RLF: variants seen among roughly 807,000 people sequenced by gnomAD.
RLF encodes zinc finger protein Rlf.
RLF carries 7 observed loss-of-function variants against 162.9 expected under a neutral mutation model. That is an observed-to-expected ratio of 0.04 (90% CI 0.02 to 0.08). The LOEUF (loss-of-function observed/expected upper bound fraction) is 0.08. Ranked by LOEUF, RLF falls within the 10% of genes least tolerant of loss-of-function variation. RLF has a pLI of 1.00. For missense variants in RLF, 1,664 were observed against 2,244.7 expected (o/e 0.74, Z 5.23); for synonymous variants, 782 against 791.5 (o/e 0.99, Z 0.20).
chr1:40,175,322 A>G (rs1642307079), intron 1 of RLF, among the ~76,000 whole-genome samples: 1 of 152,122 alleles, frequency 6.6e-6, no homozygotes, highest in Non-Finnish European at 1.5e-5. Flanking sequence ...TGGAGAACAT[A>G]TATGTATATT....
intron 4 of RLF, among the ~76,000 whole-genome samples, chr1:40,201,172 G>A (rs1426874837): frequency 1.4e-5 from 2 of 146,280 alleles, no homozygotes; most frequent in African/African-American, 5.1e-5. Flanking sequence ...CTCCCTAGGT[G>A]ATCTAGGCAC....
intron 4 of RLF, among the ~76,000 whole-genome samples, chr1:40,196,956 T>C (rs1271419111): frequency 6.6e-6 from 1 of 152,232 alleles, no homozygotes; most frequent in Non-Finnish European, 1.5e-5. Context: ...GTTCAAAGGA[T>C]TACACTCTGT....
chr1:40,210,081 G>A (rs1642847502), intron 5 of RLF, among the ~76,000 whole-genome samples: 1 of 152,128 alleles, frequency 6.6e-6, no homozygotes, highest in African/African-American at 2.4e-5. Flanking sequence ...CAATTCAAAA[G>A]CAGCAGCAAA....
In RLF at chr1:40,200,866, CTACACA is replaced by C. The variant is rs1557748404; in HGVS notation, c.608-1545_608-1540del. Among the ~76,000 whole-genome samples the C allele has an allele frequency of 1.8e-4, 19 of 107,740 alleles. 1 individual carries two copies. Among genetic ancestry groups the C allele is most frequent in the Non-Finnish European group, 3.1e-4 (17 of 53,980 alleles). 70.7% of individuals were successfully genotyped at this position (107,740 alleles called of 152,430 possible). On this transcript the variant is annotated intron_variant, in intron 4 of 7. Coordinates refer to ENST00000372771, the MANE Select transcript of RLF (RefSeq NM_012421.4). ...ATCCTTAGTATAAACCATTGCTACT[CTACACA>C]CACACACACACACACACACACACAC...
intron 6 of RLF, 43 bp from the exon 7 acceptor site, chr1:40,231,474 C>G (rs1303854006): frequency 1.9e-6 from 3 of 1,584,600 alleles, no homozygotes; most frequent in Non-Finnish European, 2.6e-6. Context: ...GCAGCAAATA[C>G]CAGTTACTTT....
intron 6 of RLF, among the ~76,000 whole-genome samples, chr1:40,229,003 T>C (rs1257560822): frequency 6.6e-6 from 1 of 152,168 alleles, no homozygotes; most frequent in Non-Finnish European, 1.5e-5. Context: ...AGGGTCTTAC[T>C]GCGTTGCTCA....
chr1:40,162,478 ATGTT>A (rs1237529471), intron 1 of RLF, among the ~76,000 whole-genome samples: 4 of 152,116 alleles, frequency 2.6e-5, no homozygotes, highest in East Asian at 1.9e-4. Flanking sequence ...TCTGCTTCCA[ATGTT>A]TGTTCTGTCA....
intron 5 of RLF, among the ~76,000 whole-genome samples, chr1:40,217,713 A>G (rs1262453558): frequency 6.6e-6 from 1 of 152,266 alleles, no homozygotes; most frequent in African/African-American, 2.4e-5. Context: ...CGGAGGTTGC[A>G]GTGACCCGAG....
chr1:40,210,361 T>C (rs1332928712), intron 5 of RLF, among the ~76,000 whole-genome samples: 4 of 152,144 alleles, frequency 2.6e-5, no homozygotes, highest in African/African-American at 9.7e-5. Flanking sequence ...CTTTAAGTAA[T>C]GGTGGGGTTT....
In RLF at chr1:40,237,755, C is replaced by A. The variant is rs138360639; in HGVS notation, c.3053C>A (p.Thr1018Lys). 2 of 1,614,090 alleles carry A rather than the reference C, an allele frequency of 1.2e-6. No homozygotes were observed. The highest frequency in any genetic ancestry group is 2.2e-5 in the East Asian group (1 of 44,876). ...GCAGAACCTAAACCCTGCTCAGATACAAACAGTGACTCCCCAGATGAAGGT... is the reference window on the plus strand; with the variant it reads ...GCAGAACCTAAACCCTGCTCAGATAAAAACAGTGACTCCCCAGATGAAGGT... ...LDAEPKPCSDTNSDSPDEGLD... is the reference protein window; with the variant it reads ...LDAEPKPCSDKNSDSPDEGLD... The change falls in exon 8 of 8, where the codon ACA (threonine) becomes AAA (lysine). Residue 1018 changes from threonine (T) to lysine (K), a missense_variant. By Grantham distance (78) the Thr-to-Lys change is moderately conservative. Around this residue, in one of 15 missense-constraint regions of RLF, gnomAD observed 295 missense variants for 317.4 expected, o/e 0.93. Transcript: ENST00000372771. The surrounding 1 kb of genome is among the most constrained non-coding windows in gnomAD (Gnocchi z 4.4).
Position 40,236,436 on chromosome 1 carries a change from A to C in RLF, c.1734A>C (p.Glu578Asp), listed in dbSNP as rs1456212579. 1.2e-6 allele frequency: 2 copies of C among 1,614,130 alleles called. No individual in the cohort carries two copies. The highest frequency in any genetic ancestry group is 3.3e-5 in the Admixed American group (2 of 60,024). ...RILHHSKMHMEDGIYTCPVCI... is the reference protein window; with the variant it reads ...RILHHSKMHMDDGIYTCPVCI... ...TTCATCATTCTAAGATGCATATGGA[A>C]GATGGAATTTACACCTGTCCAGTTT... Residue 578 changes from glutamate to aspartate, a missense_variant, in exon 8 of 8, where the codon GAA (glutamate) becomes GAC (aspartate). Around this residue, in one of 15 missense-constraint regions of RLF, gnomAD observed 31 missense variants for 80.5 expected, o/e 0.39. Coordinates refer to ENST00000372771, the MANE Select transcript of RLF (RefSeq NM_012421.4). The surrounding 1 kb of genome is among the most constrained non-coding windows in gnomAD (Gnocchi z 7.7).
intron 6 of RLF, among the ~76,000 whole-genome samples, chr1:40,229,347 A>T (rs1431934161): frequency 6.6e-6 from 1 of 152,154 alleles, no homozygotes; most frequent in Non-Finnish European, 1.5e-5. Context: ...TGGTTAGGAA[A>T]GTAGCACTAG....
At chr1:40,225,913 G>A (rs1454991968) in intron 6 of RLF, among the ~76,000 whole-genome samples, 1 of 146,974 alleles carries the variant, frequency 6.8e-6, no homozygotes, top group Non-Finnish European at 1.5e-5. Context: ...AAGCCGGATG[G>A]TAGTGGTACG....
intron 5 of RLF, among the ~76,000 whole-genome samples, chr1:40,220,100 G>C (rs1642972711): frequency 6.6e-6 from 1 of 152,090 alleles, no homozygotes; most frequent in African/African-American, 2.4e-5. Context: ...GCCGGGCGTG[G>C]TGTAGTAATC....
At chr1:40,203,132 T>TTTTAAG (rs1642741262) in intron 5 of RLF, among the ~76,000 whole-genome samples, 1 of 142,964 alleles carries the variant, frequency 7.0e-6, no homozygotes, top group Admixed American at 6.9e-5. Flanking sequence ...TTTTTTTTTT[T>TTTTAAG]GAGACAAGGT....
At chr1:40,195,841 A>C (rs1424194984) in intron 4 of RLF, 77 bp downstream of exon 4, 6 of 1,365,300 alleles carry the variant, frequency 4.4e-6, no homozygotes, top group Non-Finnish European at 6.0e-6. Context: ...AATTTTGGGA[A>C]TTTAACTTGT....
At chr1:40,222,494 TA>T (rs1643012909) in intron 5 of RLF, 79 bp from the exon 6 acceptor site, 1 of 1,421,832 alleles carries the variant, frequency 7.0e-7, no homozygotes, top group African/African-American at 1.4e-5. Flanking sequence ...TTTGCCTCAT[TA>T]AGAAGTTTCA....
At chr1:40,212,785 G>A (rs1642880000) in intron 5 of RLF, among the ~76,000 whole-genome samples, 1 of 152,128 alleles carries the variant, frequency 6.6e-6, no homozygotes, top group South Asian at 2.1e-4. Flanking sequence ...TAACACTGTT[G>A]GGAATTGACA....
At chr1:40,174,528 C>T (rs1642290385) in intron 1 of RLF, among the ~76,000 whole-genome samples, 1 of 152,124 alleles carries the variant, frequency 6.6e-6, no homozygotes. Context: ...TTATATAACT[C>T]TATTGAAAAA....
Sources: gnomAD v4.1 joint callset for allele counts (sites outside exome capture counted in the v4.1 genomes callset) on GRCh38, gnomAD v4.1.1 for gene constraint, gnomAD v4.1.1 regional missense constraint, Gnocchi (gnomAD v3.1) non-coding constraint, MANE v1.5 for transcripts, NCBI Gene and HGNC (gene_info 2026-07-23, HGNC 2026-07-21) for gene names.